Variants in WDR12 observed in about 807,000 individuals in gnomAD.
WDR12 encodes the protein WD repeat domain 12.
WDR12 carries 42 observed loss-of-function variants against 64.3 expected under a neutral mutation model. The ratio of observed to expected loss-of-function variants is 0.65; its 90% confidence interval spans 0.51 to 0.84. The LOEUF is 0.84. Among genes scored for constraint, WDR12 ranks in the 40% least tolerant of loss-of-function variants. The probability of loss-of-function intolerance (pLI) is 0.00; values close to 1 mark genes in which losing one functional copy is unlikely to be tolerated. For synonymous variants in WDR12, 158 were observed against 173.3 expected (o/e 0.91, Z 0.70); for missense variants, 469 against 494.6 (o/e 0.95, Z 0.49).
At chr2:202,896,824 T>C (rs1224270837) in intron 5 of WDR12, among the ~76,000 whole-genome samples, 1 of 151,946 alleles carries the variant, frequency 6.6e-6, no homozygotes, top group African/African-American at 2.4e-5. Context: ...CCGTCTCTAC[T>C]AAAAATACAA....
At chr2:202,906,651 G>C (rs1023958139) in intron 2 of WDR12, among the ~76,000 whole-genome samples, 112 of 152,218 alleles carry the variant, frequency 7.4e-4, no homozygotes, top group African/African-American at 2.6e-3. Context: ...ATCACCTGAG[G>C]TCAGGAGTTC....
intron 7 of WDR12, among the ~76,000 whole-genome samples, chr2:202,893,181 A>T (rs1420466123): frequency 2.0e-5 from 3 of 152,098 alleles, no homozygotes; most frequent in Non-Finnish European, 2.9e-5. Flanking sequence ...TTTGTTATAC[A>T]TCACTTGGTT....
intron 12 of WDR12, among the ~76,000 whole-genome samples, chr2:202,881,604 G>A (rs1451994981): frequency 2.0e-5 from 3 of 152,048 alleles, no homozygotes; most frequent in Non-Finnish European, 4.4e-5. Flanking sequence ...AACACAGTGA[G>A]ACCACGTCTC....
chr2:202,896,806 G>T (rs1184921101), intron 5 of WDR12, among the ~76,000 whole-genome samples: 1 of 152,082 alleles, frequency 6.6e-6, no homozygotes, highest in Admixed American at 6.6e-5. Flanking sequence ...GGCCAAGATG[G>T]TGAAACCCCG....
intron 1 of WDR12, among the ~76,000 whole-genome samples, chr2:202,909,882 G>T (rs2105913553): frequency 6.6e-6 from 1 of 152,094 alleles, no homozygotes; most frequent in South Asian, 2.1e-4. Flanking sequence ...TGCAACCTCT[G>T]CCTCTCAGGC....
intron 8 of WDR12, among the ~76,000 whole-genome samples, chr2:202,888,773 T>G (rs1688095664): frequency 1.3e-5 from 2 of 152,184 alleles, no homozygotes. Flanking sequence ...AGTGCAGTGG[T>G]GCAATCGTAA....
chr2:202,883,795 A>G (rs1687997354), intron 10 of WDR12, 54 bp from the exon 11 acceptor site: 1 of 1,553,504 alleles, frequency 6.4e-7, no homozygotes, highest in African/African-American at 1.5e-5. Flanking sequence ...AAGTAGGTAG[A>G]AGGAACCCAA....
In WDR12 at chr2:202,880,739, G is replaced by T; in HGVS notation, c.*121C>A. ...AAAGTGATACGTTAGCTGTTATGAAGGGTGAAAACATTATATAAACTTCAA... is the reference window on the plus strand; with the variant it reads ...AAAGTGATACGTTAGCTGTTATGAATGGTGAAAACATTATATAAACTTCAA... On this transcript the variant is annotated 3_prime_UTR_variant, in exon 13 of 13. Coordinates refer to ENST00000261015, the MANE Select transcript of WDR12 (RefSeq NM_018256.4). 1.5e-6 allele frequency: 1 copy of T among 670,630 alleles called. No homozygotes were observed. The highest frequency in any genetic ancestry group is 2.4e-6 in the Non-Finnish European group (1 of 419,796). The allele number at this position is 670,630 out of a possible 1,614,324, so 41.5% of individuals were successfully genotyped here.
chr2:202,895,651 T>C (rs1688225644), intron 6 of WDR12, among the ~76,000 whole-genome samples: 1 of 150,660 alleles, frequency 6.6e-6, no homozygotes, highest in African/African-American at 2.4e-5. Flanking sequence ...GCCTCCCGAG[T>C]AGCTGGGATT....
chr2:202,896,024 T>C (rs755374760), intron 6 of WDR12, 41 bp downstream of exon 6: 7 of 1,586,606 alleles, frequency 4.4e-6, no homozygotes, highest in African/African-American at 1.4e-5. Flanking sequence ...CAAGCTCAAA[T>C]TCAAATTTAA....
At chr2:202,884,081 G>A in intron 10 of WDR12, 117 bp downstream of exon 10, 1 of 1,013,274 alleles carries the variant, frequency 9.9e-7, no homozygotes. Context: ...AAAGTGCTGG[G>A]ATTACAGGCA....
chr2:202,888,728 T>A lies in WDR12; in HGVS notation c.741+3889A>T, dbSNP rs562669978. ...AAAATCCAAATTTTTCTTTGCTTTT[T>A]TTGAGACAAGGCCTCACTCTGTCGC... On this transcript the variant is annotated intron_variant, in intron 8 of 12. Coordinates refer to ENST00000261015, the MANE Select transcript of WDR12 (RefSeq NM_018256.4). Among the ~76,000 whole-genome samples the A allele has an allele frequency of 1.8e-4, 28 of 152,342 alleles. No individual in the cohort carries two copies. The South Asian group carries it at 4.1e-3, about 23-fold the overall frequency.
chr2:202,886,891 T>C (rs1161262362), intron 8 of WDR12, among the ~76,000 whole-genome samples: 2 of 152,262 alleles, frequency 1.3e-5, no homozygotes, highest in African/African-American at 4.8e-5. Flanking sequence ...TTAGGAGTTA[T>C]AACTGGATCA....
chr2:202,876,300 G>A lies in WDR12; in HGVS notation c.*4560C>T, dbSNP rs1385989971. 1 of 152,200 alleles carries A rather than the reference G, an allele frequency of 6.6e-6. No individual in the cohort carries two copies. Among genetic ancestry groups the A allele is most frequent in the African/African-American group, 2.4e-5 (1 of 41,442 alleles). The allele number at this position is 152,200 out of a possible 1,614,324, so 9.4% of individuals were successfully genotyped here. ...GTACGTACTCAGGAAGCTGGGGCAG[G>A]AGGATCCCTTGAACCCAGGAGTTGA... On this transcript the variant is annotated 3_prime_UTR_variant, in exon 13 of 13. Transcript: ENST00000261015.
chr2:202,885,439 C>T (rs1196582370), intron 8 of WDR12, among the ~76,000 whole-genome samples: 1 of 152,176 alleles, frequency 6.6e-6, no homozygotes, highest in African/African-American at 2.4e-5. Context: ...ATCCTCCAAC[C>T]AGTGGGAATC....
chr2:202,890,415 G>A (rs1358265995), intron 8 of WDR12, among the ~76,000 whole-genome samples: 1 of 152,122 alleles, frequency 6.6e-6, no homozygotes, highest in Non-Finnish European at 1.5e-5. Flanking sequence ...GACATCTAGG[G>A]TACTGGTATA....
chr2:202,894,523 G>T, intron 7 of WDR12, 58 bp downstream of exon 7: 1 of 1,479,816 alleles, frequency 6.8e-7, no homozygotes, highest in Non-Finnish European at 9.2e-7. Flanking sequence ...TATAGCCTCC[G>T]AATTTAAATT....
chr2:202,881,694 T>A (rs533543612), intron 12 of WDR12, among the ~76,000 whole-genome samples: 1 of 152,062 alleles, frequency 6.6e-6, no homozygotes, highest in Admixed American at 6.6e-5. Context: ...GGCAAGAGGA[T>A]CACCTAAGCC....
chr2:202,893,180 C>T (rs1199974143), intron 7 of WDR12, among the ~76,000 whole-genome samples: 1 of 151,900 alleles, frequency 6.6e-6, no homozygotes, highest in African/African-American at 2.4e-5. Context: ...CTTTGTTATA[C>T]ATCACTTGGT....
Sources: gnomAD v4.1 joint callset for allele counts (sites outside exome capture counted in the v4.1 genomes callset) on GRCh38, gnomAD v4.1.1 for gene constraint, MANE v1.5 for transcripts, NCBI Gene and HGNC (gene_info 2026-07-23, HGNC 2026-07-21) for gene names.